The following NOX5 variants were observed in gnomAD, a reference collection of about 807,000 sequenced individuals.
The protein encoded by NOX5 is NADPH oxidase 5.
A neutral mutation model predicts 85.7 loss-of-function variants in NOX5; 76 were observed. The observed-to-expected ratio is 0.89, with a 90% CI of 0.74 to 1.07. The LOEUF is 1.07. Among genes scored for constraint, NOX5 ranks in the 50% least tolerant of loss-of-function variants. NOX5 has a pLI of 0.00. For missense variants in NOX5, 973 were observed against 999.5 expected (o/e 0.97, Z 0.36); for synonymous variants, 405 against 401.4 (o/e 1.01, Z -0.11).
At chr15:69,048,515 A>G (rs1414412049) in intron 13 of NOX5, among the ~76,000 whole-genome samples, 3 of 152,182 alleles carry the variant, frequency 2.0e-5, no homozygotes, top group East Asian at 1.9e-4. Context: ...CCTGAGTGAC[A>G]GAGTGAGACT....
chr15:69,042,317 A>C (rs759710895), intron 9 of NOX5, among the ~76,000 whole-genome samples: 2 of 152,242 alleles, frequency 1.3e-5, no homozygotes, highest in Non-Finnish European at 2.9e-5. Flanking sequence ...CAACCATTGA[A>C]TAGCAGGAGG....
intron 10 of NOX5, among the ~76,000 whole-genome samples, chr15:69,045,671 C>G (rs2050664523): frequency 1.4e-5 from 2 of 146,610 alleles, no homozygotes; most frequent in African/African-American, 5.1e-5. Context: ...CTCTTTCTTT[C>G]TTTCACTCTT....
chr15:69,045,676 A>G (rs879550343), intron 10 of NOX5, among the ~76,000 whole-genome samples: 1 of 94,980 alleles, frequency 1.1e-5, no homozygotes, highest in Non-Finnish European at 2.1e-5. Context: ...TCTTTCTTTC[A>G]CTCTTTCTTT....
chr15:69,033,149 G>GCACAA lies in NOX5; in HGVS notation c.728_729insACAAC (p.Thr244GlnfsTer46). On this transcript the variant is annotated frameshift_variant, in exon 5 of 16. Transcript: ENST00000388866. LOFTEE classifies it high-confidence loss of function. Reference sequence around the variant, plus strand: ...CCACCGCAGCCAGCTGTTCTGCCTGGCCACCTATGCAGGCCTCCACGTGCT... The same window carrying GCACAA: ...CCACCGCAGCCAGCTGTTCTGCCTGGCACAACCACCTATGCAGGCCTCCACGTGCT... The GCACAA allele has an allele frequency of 5.1e-6, 8 of 1,575,518 alleles. No homozygotes were observed. Among genetic ancestry groups the GCACAA allele is most frequent in the Non-Finnish European group, 6.9e-6 (8 of 1,167,434 alleles).
At chr15:69,020,430 T>C (rs2050283075) in intron 1 of NOX5, among the ~76,000 whole-genome samples, 1 of 152,128 alleles carries the variant, frequency 6.6e-6, no homozygotes, top group Non-Finnish European at 1.5e-5. Context: ...CATTTAGGCA[T>C]TTATAATTTG....
intron 10 of NOX5, among the ~76,000 whole-genome samples, chr15:69,045,576 T>TCTTTCTTTCTTTCTTTCTTCC (rs1300692792): frequency 1.0e-4 from 13 of 129,144 alleles, no homozygotes; most frequent in African/African-American, 2.6e-4. Context: ...TTCTTCCCTT[T>TCTTTCTTTCTTTCTTTCTTCC]CTTTCTTTTC....
chr15:69,023,675 C>A (rs12908916), intron 1 of NOX5: 71,661 of 176,936 alleles, frequency 0.41, 17,323 homozygotes, highest in Non-Finnish European at 0.55. Flanking sequence ...ATATTTACCT[C>A]TATAATAATA....
chr15:69,048,979 C>T lies in NOX5; in HGVS notation c.1920C>T (p.Asn640=), dbSNP rs760891514. Residue 640 remains asparagine, a synonymous_variant, in exon 14 of 16, where the codon AAC becomes AAT. Coordinates refer to ENST00000388866, the MANE Select transcript of NOX5 (RefSeq NM_024505.4). The stretch of plus-strand genomic sequence containing the variant: ...CGTAGGTGGACTTTATCTGGATCAA[C>T]AGAGACCAGCGGTCTTTCGAGTGGT... ...KLHKVDFIWI[N]RDQRSFEWFV... 3.7e-6 allele frequency: 6 copies of T among 1,612,408 alleles called. No homozygotes were observed. The East Asian group carries it at 1.3e-4, about 36-fold the overall frequency.
Position 69,056,751 on chromosome 15 carries a change from T to C in NOX5, c.*55T>C, listed in dbSNP as rs1567110583. The C allele has an allele frequency of 1.3e-6, 2 of 1,594,274 alleles. No individual in the cohort carries two copies. Among genetic ancestry groups the C allele is most frequent in the African/African-American group, 1.3e-5 (1 of 74,338 alleles). The stretch of plus-strand genomic sequence containing the variant: ...CACACCATGGGTCTGCTTCATTGCA[T>C]TAGTATAAATGCCCCCACAGGGACC... On this transcript the variant is annotated 3_prime_UTR_variant, in exon 16 of 16. Transcript: ENST00000388866.
intron 1 of NOX5, among the ~76,000 whole-genome samples, chr15:69,017,159 A>G (rs2050241445): frequency 6.6e-6 from 1 of 151,762 alleles, no homozygotes; most frequent in African/African-American, 2.4e-5. Context: ...TTATTTATTT[A>G]TTTATTTTCT....
At chr15:69,026,452 G>C (rs1302907702) in intron 1 of NOX5, 76 bp from the exon 2 acceptor site, 2 of 1,595,378 alleles carry the variant, frequency 1.3e-6, no homozygotes, top group Non-Finnish European at 1.7e-6. Flanking sequence ...GCAAGGCAGA[G>C]GCCCTGGGAC....
chr15:69,053,623 G>T (rs2050775946), intron 14 of NOX5, among the ~76,000 whole-genome samples: 1 of 152,138 alleles, frequency 6.6e-6, no homozygotes, highest in Non-Finnish European at 1.5e-5. Flanking sequence ...TGTGCACATA[G>T]TTTTTTTCCT....
intron 14 of NOX5, among the ~76,000 whole-genome samples, chr15:69,053,692 A>C (rs2050776737): frequency 1.3e-5 from 2 of 152,324 alleles, no homozygotes; most frequent in African/African-American, 4.8e-5. Context: ...TCTCAAACAC[A>C]GCTGGATGGA....
rs758769476 is a variant in NOX5, at chr15:69,047,421, C to T, written c.1701C>T (p.Ile567=). Residue 567 remains isoleucine (I), a synonymous_variant, in exon 12 of 16, where the codon ATC becomes ATT. Transcript: ENST00000388866. ...KHKFCNIKCY[I]DGPYGTPTRR... Reference sequence around the variant, plus strand: ...TGCCCTCTTGTGCACAGTGCTACATCGATGGGCCTTATGGGACCCCCACCC... The same window carrying T: ...TGCCCTCTTGTGCACAGTGCTACATTGATGGGCCTTATGGGACCCCCACCC... 1.7e-5 allele frequency: 28 copies of T among 1,613,148 alleles called. No homozygotes were observed. The Admixed American group carries it at 3.2e-4, about 18-fold the overall frequency.
At chr15:69,032,048 T>G (rs1175789385) in intron 4 of NOX5, among the ~76,000 whole-genome samples, 2 of 152,222 alleles carry the variant, frequency 1.3e-5, no homozygotes, top group Non-Finnish European at 2.9e-5. Flanking sequence ...GCTGAGCACT[T>G]TTGCATATAC....
rs749245752 is a variant in NOX5 at position 69,038,941 on chromosome 15, C to T, written c.1456C>T (p.Arg486Cys). The change falls in exon 9 of 16, where the codon CGC (arginine) becomes TGC (cysteine). Residue 486 changes from arginine (R) to cysteine (C), a missense_variant. Transcript: ENST00000388866. ...GTATCTGAACATCCCCACCATTGCT[C>T]GCTATGAGTGGCACCCCTTCACCAT... ...YLYLNIPTIA[R>C]YEWHPFTISS... 2.6e-5 allele frequency: 42 copies of T among 1,613,982 alleles called. No homozygotes were observed. The East Asian group carries it at 3.3e-4, about 13-fold the overall frequency.
At chr15:69,046,779 T>A in intron 10 of NOX5, 43 bp from the exon 11 acceptor site, 1 of 1,586,346 alleles carries the variant, frequency 6.3e-7, no homozygotes, top group Non-Finnish European at 8.6e-7. Context: ...TCCCTAACAC[T>A]GTCCATTCCA....
chr15:69,044,577 TA>T (rs1413285693), intron 10 of NOX5, among the ~76,000 whole-genome samples: 8 of 151,876 alleles, frequency 5.3e-5, no homozygotes, highest in East Asian at 1.9e-4. Context: ...TTAAGTCTCC[TA>T]AAAAAAATGA....
chr15:69,019,123 A>G (rs2050267144), intron 1 of NOX5, among the ~76,000 whole-genome samples: 1 of 152,126 alleles, frequency 6.6e-6, no homozygotes, highest in Admixed American at 6.5e-5. Context: ...TCAGCCTCCC[A>G]GTGTATTAGG....
Sources: allele counts gnomAD v4.1 joint callset (sites outside exome capture counted in the v4.1 genomes callset), GRCh38; gene constraint gnomAD v4.1.1; transcripts MANE v1.5; gene names NCBI Gene and HGNC (gene_info 2026-07-23, HGNC 2026-07-21).